The following TTC7B variants were observed in gnomAD, a reference collection of about 807,000 sequenced individuals.
The protein encoded by TTC7B is tetratricopeptide repeat domain 7B, also known as tetratricopeptide repeat protein 7B.
Under a neutral mutation model 106.8 loss-of-function variants are expected in TTC7B, and 28 were observed. The ratio of observed to expected loss-of-function variants is 0.26; its 90% CI spans 0.19 to 0.36. The LOEUF is 0.36. TTC7B is among the 10% of genes least tolerant of loss of function. The pLI is 1.00. For missense variants in TTC7B, 862 were observed against 1,076.4 expected (o/e 0.80, Z 2.79); for synonymous variants, 405 against 430.6 (o/e 0.94, Z 0.74).
chr14:90,541,618 G>T, intron 19 of TTC7B, 29 bp from the exon 20 acceptor site: 2 of 1,512,128 alleles, frequency 1.3e-6, no homozygotes, highest in Non-Finnish European at 1.8e-6. Flanking sequence ...GAGAGAGACA[G>T]TCAGCCATGG....
intron 19 of TTC7B, among the ~76,000 whole-genome samples, chr14:90,576,267 C>T (rs1891261027): frequency 6.6e-6 from 1 of 152,026 alleles, no homozygotes; most frequent in Non-Finnish European, 1.5e-5. Flanking sequence ...TCTAGATGCT[C>T]TCAGCAAAAG....
intron 17 of TTC7B, among the ~76,000 whole-genome samples, chr14:90,596,468 A>C (rs1892208395): frequency 6.6e-6 from 1 of 152,240 alleles, no homozygotes; most frequent in Non-Finnish European, 1.5e-5. Flanking sequence ...GGTGGTTGTC[A>C]GTTTTAGAGA....
At chr14:90,651,234 G>A (rs1885703396) in intron 13 of TTC7B, among the ~76,000 whole-genome samples, 1 of 152,182 alleles carries the variant, frequency 6.6e-6, no homozygotes, top group Non-Finnish European at 1.5e-5. Context: ...CCTAGTTAAT[G>A]TGTACTTGAA....
At chr14:90,794,610 C>T (rs546394713) in intron 1 of TTC7B, among the ~76,000 whole-genome samples, 1 of 152,188 alleles carries the variant, frequency 6.6e-6, no homozygotes, top group South Asian at 2.1e-4. Context: ...TCCTGCTAGG[C>T]AGGTAGGTAT....
intron 1 of TTC7B, among the ~76,000 whole-genome samples, chr14:90,792,434 A>G (rs12879489): frequency 0.71 from 108,383 of 151,932 alleles, 42,363 homozygotes; most frequent in Non-Finnish European, 0.87. Context: ...AAAATTAGCC[A>G]GGCATGGTGG....
At chr14:90,678,391 A>AT in intron 8 of TTC7B, among the ~76,000 whole-genome samples, 1 of 152,260 alleles carries the variant, frequency 6.6e-6, no homozygotes, top group South Asian at 2.1e-4. Context: ...AAAGAACACA[A>AT]TTTTCTGACA....
chr14:90,637,429 T>C (rs953051884), intron 15 of TTC7B, among the ~76,000 whole-genome samples: 3 of 151,724 alleles, frequency 2.0e-5, no homozygotes, highest in African/African-American at 4.8e-5. Flanking sequence ...CACATGGTTT[T>C]ACAGATGCAT....
At chr14:90,639,473 T>C (rs1460372554) in intron 15 of TTC7B, among the ~76,000 whole-genome samples, 1 of 152,184 alleles carries the variant, frequency 6.6e-6, no homozygotes, top group East Asian at 1.9e-4. Flanking sequence ...GATGCGCAAC[T>C]TAAACTCACA....
intron 19 of TTC7B, among the ~76,000 whole-genome samples, chr14:90,573,770 C>T (rs1302509698): frequency 1.3e-5 from 2 of 152,256 alleles, no homozygotes; most frequent in Non-Finnish European, 2.9e-5. Flanking sequence ...TCTGCTTCTG[C>T]TTCACACCTT....
intron 9 of TTC7B, among the ~76,000 whole-genome samples, chr14:90,661,086 TG>T (rs1490077744): frequency 2.8e-4 from 42 of 152,166 alleles, no homozygotes; most frequent in Admixed American, 2.7e-3. Flanking sequence ...GGAAGTAGGG[TG>T]GCCAGGAACA....
chr14:90,622,742 C>G (rs1356596893), intron 15 of TTC7B, among the ~76,000 whole-genome samples: 1 of 151,848 alleles, frequency 6.6e-6, no homozygotes, highest in African/African-American at 2.4e-5. Flanking sequence ...CCACTTCCCC[C>G]CAAAAGAATT....
chr14:90,640,519 T>A (rs1299838827), intron 15 of TTC7B, among the ~76,000 whole-genome samples: 1 of 152,148 alleles, frequency 6.6e-6, no homozygotes, highest in East Asian at 1.9e-4. Context: ...AATTCACAGG[T>A]AATATTAATG....
intron 18 of TTC7B, among the ~76,000 whole-genome samples, chr14:90,592,332 T>C (rs1217287860): frequency 6.6e-6 from 1 of 152,230 alleles, no homozygotes; most frequent in East Asian, 1.9e-4. Context: ...GGGAATTACC[T>C]TTTATGTTGA....
At chr14:90,794,921 A>G (rs543910804) in intron 1 of TTC7B, among the ~76,000 whole-genome samples, 15 of 152,214 alleles carry the variant, frequency 9.9e-5, no homozygotes, top group South Asian at 4.2e-4. Context: ...GGTGTGACCA[A>G]CACTCCATGA....
intron 5 of TTC7B, among the ~76,000 whole-genome samples, chr14:90,706,855 G>A (rs748620651): frequency 6.6e-6 from 1 of 152,136 alleles, no homozygotes; most frequent in Non-Finnish European, 1.5e-5. Flanking sequence ...TCACCTTAGC[G>A]AGAACTCTCT....
Position 90,730,176 on chromosome 14 carries a change from T to C in TTC7B, c.597A>G (p.Gln199=), listed in dbSNP as rs759040353. ...CAGGGCCAGGCTTAGGGCTTCTGTT[T>C]TGAATATTAGAAAGTATTACCTAGA... The part of the protein sequence containing the change: ...EIERVILSNI[Q]NRSPKPGPAP... The change falls in exon 5 of 20, where the codon CAA becomes CAG. Residue 199 remains glutamine, a synonymous_variant. Coordinates refer to ENST00000328459, the MANE Select transcript of TTC7B (RefSeq NM_001010854.2). 1.6e-5 allele frequency: 26 copies of C among 1,605,770 alleles called. No individual in the cohort carries two copies. Among genetic ancestry groups the C allele is most frequent in the East Asian group, 2.2e-5 (1 of 44,788 alleles).
At chr14:90,668,589 A>T (rs1033065912) in intron 9 of TTC7B, among the ~76,000 whole-genome samples, 1 of 152,198 alleles carries the variant, frequency 6.6e-6, no homozygotes, top group African/African-American at 2.4e-5. Context: ...AGTAACATAC[A>T]TTATCTCTTT....
chr14:90,593,466 G>A lies in TTC7B; in HGVS notation c.2107+20C>T. ...CCAGGCTCTGGCACAGCAGCGGGTT[G>A]TGGGTGAGGCGGAGGGTACCTGCAT... On this transcript the variant is annotated intron_variant, in intron 18 of 19. Coordinates refer to ENST00000328459, the MANE Select transcript of TTC7B (RefSeq NM_001010854.2). 1 of 1,561,634 alleles carries A rather than the reference G, an allele frequency of 6.4e-7. No individual in the cohort carries two copies.
rs774730964 is a variant in TTC7B, at chr14:90,689,632, C to T, written c.858G>A (p.Pro286=). 1.2e-5 allele frequency: 19 copies of T among 1,614,010 alleles called. No individual in the cohort carries two copies. Among genetic ancestry groups the T allele is most frequent in the Middle Eastern group, 1.6e-4 (1 of 6,084 alleles). The change falls in exon 7 of 20, where the codon CCG becomes CCA. Residue 286 remains proline (P), a synonymous_variant. Transcript: ENST00000328459. ...GAGGATCGTCCAGAGGTGACTGGCA[C>T]GGTGGATCCTCCAGAGGGTTCCAGT... ...QSYWNPLEDP[P]CQSPLDDPLR...
Sources: allele counts gnomAD v4.1 joint callset (sites outside exome capture counted in the v4.1 genomes callset), GRCh38; gene constraint gnomAD v4.1.1; transcripts MANE v1.5; gene names NCBI Gene and HGNC (gene_info 2026-07-23, HGNC 2026-07-21).